Variants in TBC1D22A observed in about 807,000 individuals in gnomAD.
TBC1D22A encodes the protein putative GTPase activator.
A neutral mutation model predicts 60.2 loss-of-function variants in TBC1D22A; 38 were observed. The ratio of observed to expected loss-of-function variants is 0.63; its 90% confidence interval spans 0.49 to 0.83. The LOEUF is 0.83. TBC1D22A is among the 40% of genes least tolerant of loss of function. The pLI is 0.00. For synonymous variants in TBC1D22A, 302 were observed against 281.7 expected (o/e 1.07, Z -0.72); for missense variants, 628 against 701.0 (o/e 0.90, Z 1.18).
chr22:47,101,596 G>A (rs1489333535), intron 11 of TBC1D22A, among the ~76,000 whole-genome samples: 1 of 152,226 alleles, frequency 6.6e-6, no homozygotes, highest in Non-Finnish European at 1.5e-5. Context: ...GACATGCTTG[G>A]TTTCCAAGGC....
intron 11 of TBC1D22A, among the ~76,000 whole-genome samples, chr22:47,067,013 C>T (rs552068356): frequency 6.6e-6 from 1 of 152,328 alleles, no homozygotes; most frequent in African/African-American, 2.4e-5. Context: ...CGCCTGTAAT[C>T]CCAGCACTTT....
At chr22:47,079,850 A>G (rs910447922) in intron 11 of TBC1D22A, among the ~76,000 whole-genome samples, 1 of 152,258 alleles carries the variant, frequency 6.6e-6, no homozygotes, top group Admixed American at 6.5e-5. Flanking sequence ...AAGAGTGAAT[A>G]GACAAGCAAG....
intron 8 of TBC1D22A, among the ~76,000 whole-genome samples, chr22:46,954,940 A>G (rs2073108554): frequency 6.6e-6 from 1 of 152,246 alleles, no homozygotes; most frequent in African/African-American, 2.4e-5. Flanking sequence ...GTGATATTTT[A>G]TTGAACCACA....
At chr22:46,790,006 A>T (rs960354264) in intron 1 of TBC1D22A, among the ~76,000 whole-genome samples, 1 of 152,248 alleles carries the variant, frequency 6.6e-6, no homozygotes, top group Non-Finnish European at 1.5e-5. Context: ...AGGAAAACAG[A>T]TTGGCCACCG....
At chr22:46,828,418 C>T (rs1022124504) in intron 4 of TBC1D22A, among the ~76,000 whole-genome samples, 1 of 152,224 alleles carries the variant, frequency 6.6e-6, no homozygotes, top group East Asian at 1.9e-4. Context: ...CTACCTGGGC[C>T]ACTGCGAGAT....
rs139205929 is a variant in TBC1D22A, at chr22:46,986,876, T to G, written c.1126-10758T>G. Among the ~76,000 whole-genome samples the G allele has an allele frequency of 2.6e-3, 396 of 152,292 alleles. 2 individuals carry two copies. The highest frequency in any genetic ancestry group is 9.0e-3 in the African/African-American group (375 of 41,560). On this transcript the variant is annotated intron_variant, in intron 9 of 12. Transcript: ENST00000337137. Reference sequence around the variant, plus strand: ...TCAGGGCATGGTGTGGACGGCTGATTTGCGCACCATGATGTCTGGAATCTC... The same window carrying G: ...TCAGGGCATGGTGTGGACGGCTGATGTGCGCACCATGATGTCTGGAATCTC...
intron 5 of TBC1D22A, among the ~76,000 whole-genome samples, chr22:46,888,724 T>C (rs182774809): frequency 6.6e-6 from 1 of 152,340 alleles, no homozygotes; most frequent in East Asian, 1.9e-4. Flanking sequence ...TTCTGTTTTT[T>C]TGAGACAGAG....
Position 46,835,746 on chromosome 22 carries a change from A to C in TBC1D22A, c.637+38126A>C, listed in dbSNP as rs961370887. On this transcript the variant is annotated intron_variant, in intron 4 of 12. Transcript: ENST00000337137. ...GACTCAAGAAGCCCATGGGACCCCA[A>C]ACAGATTGAATGTGAAAAAGTCTAT... 1.4e-4 allele frequency among the ~76,000 whole-genome samples: 22 copies of C among 152,212 alleles called. 1 individual carries two copies. The highest frequency in any genetic ancestry group is 2.9e-5 in the Non-Finnish European group (2 of 68,044).
intron 11 of TBC1D22A, among the ~76,000 whole-genome samples, chr22:47,038,337 C>T (rs539247720): frequency 6.6e-5 from 10 of 152,242 alleles, no homozygotes; most frequent in African/African-American, 1.7e-4. Flanking sequence ...GGGGGACGGA[C>T]GTTTCTGGAA....
chr22:47,158,351 C>A (rs2067805935), intron 12 of TBC1D22A, among the ~76,000 whole-genome samples: 1 of 152,230 alleles, frequency 6.6e-6, no homozygotes, highest in Non-Finnish European at 1.5e-5. Context: ...GGTTCTTTAG[C>A]ACTGTCATTC....
intron 9 of TBC1D22A, among the ~76,000 whole-genome samples, chr22:46,979,435 T>C (rs1367497111): frequency 2.0e-5 from 3 of 152,248 alleles, no homozygotes; most frequent in South Asian, 2.1e-4. Flanking sequence ...CCTTCTTTCA[T>C]GTAAACGTGA....
intron 4 of TBC1D22A, among the ~76,000 whole-genome samples, chr22:46,860,882 G>T (rs1017542687): frequency 2.0e-5 from 3 of 152,250 alleles, no homozygotes; most frequent in Non-Finnish European, 2.9e-5. Flanking sequence ...GTGGGACAGA[G>T]GGAGAAGGTG....
Position 46,921,588 on chromosome 22 carries a change from T to G in TBC1D22A, c.1015+9400T>G, listed in dbSNP as rs554673336. Among the ~76,000 whole-genome samples, 5 of 152,370 alleles carry G rather than the reference T, an allele frequency of 3.3e-5. No homozygotes were observed. The East Asian group carries it at 9.6e-4, about 29-fold the overall frequency. ...GTCTTTATGGTACAGTGATTGATAT[T>G]CCTTTGGGTGTATACCCAATAATGG... is the stretch of plus-strand genomic sequence containing the variant. On this transcript the variant is annotated intron_variant, in intron 8 of 12. Transcript: ENST00000337137.
At chr22:46,846,592 C>G (rs2087005271) in intron 4 of TBC1D22A, among the ~76,000 whole-genome samples, 1 of 152,214 alleles carries the variant, frequency 6.6e-6, no homozygotes, top group African/African-American at 2.4e-5. Context: ...ACAAAAAAAA[C>G]TGTGTTATAA....
intron 11 of TBC1D22A, among the ~76,000 whole-genome samples, chr22:47,050,339 G>A (rs1024818345): frequency 6.6e-6 from 1 of 152,150 alleles, no homozygotes; most frequent in Non-Finnish European, 1.5e-5. Context: ...ACCATCACTG[G>A]GCATTTTCAT....
At chr22:46,885,523 A>ACAT (rs1215455990) in intron 5 of TBC1D22A, among the ~76,000 whole-genome samples, 1 of 152,206 alleles carries the variant, frequency 6.6e-6, no homozygotes, top group African/African-American at 2.4e-5. Flanking sequence ...AAAGAAAAAG[A>ACAT]AGTAATCTTA....
intron 8 of TBC1D22A, among the ~76,000 whole-genome samples, chr22:46,919,874 C>T (rs2070636154): frequency 6.6e-6 from 1 of 151,864 alleles, no homozygotes; most frequent in East Asian, 1.9e-4. Flanking sequence ...GAATAAATTC[C>T]CCGGTGCTGC....
chr22:46,855,566 G>A (rs755129898), intron 4 of TBC1D22A, among the ~76,000 whole-genome samples: 8 of 152,200 alleles, frequency 5.3e-5, no homozygotes, highest in African/African-American at 1.2e-4. Context: ...ACCTTGTGCA[G>A]CCTGGGAGTC....
intron 10 of TBC1D22A, among the ~76,000 whole-genome samples, chr22:47,000,499 A>C (rs942637859): frequency 6.6e-6 from 1 of 152,202 alleles, no homozygotes; most frequent in Non-Finnish European, 1.5e-5. Flanking sequence ...GAAGGTGCTG[A>C]GAATGAAGAG....
Sources: gnomAD v4.1 joint callset for allele counts (sites outside exome capture counted in the v4.1 genomes callset) on GRCh38, gnomAD v4.1.1 for gene constraint, MANE v1.5 for transcripts, NCBI Gene and HGNC (gene_info 2026-07-23, HGNC 2026-07-21) for gene names.